Variants in NFIB observed in about 807,000 individuals in gnomAD.
The protein encoded by NFIB is nuclear factor 1 B-type.
A neutral mutation model predicts 61.5 loss-of-function variants in NFIB; 11 were observed. The ratio of observed to expected loss-of-function variants is 0.18; its 90% CI spans 0.11 to 0.30. The LOEUF (loss-of-function observed/expected upper bound fraction) is 0.30, where lower values mean the gene tolerates loss of function less well. Among genes scored for constraint, NFIB ranks in the 10% least tolerant of loss-of-function variants. The pLI, the probability that NFIB is intolerant of heterozygous loss-of-function variation, is 1.00. For synonymous variants in NFIB, 260 were observed against 216.5 expected, an observed-to-expected ratio of 1.20 and a Z score of -1.76; for missense variants, 471 against 608.9, an observed-to-expected ratio of 0.77 and a Z score of 2.38.
rs139333701 is a variant in NFIB, at chr9:14,366,725, G to T, written c.108+31799C>A. On this transcript the variant is annotated intron_variant, in intron 1 of 8. Coordinates refer to the NFIB transcript ENST00000380934. ...GGTCTCGAACTCCTGACCTCTTGAT[G>T]TGCCTGCCTCGGCCTCCCAAAGTGT... Among the ~76,000 whole-genome samples the T allele has an allele frequency of 1.7e-3, 256 of 152,088 alleles. 4 individuals carry two copies. The East Asian group carries it at 0.044, about 26-fold the overall frequency.
intron 3 of NFIB, among the ~76,000 whole-genome samples, chr9:14,168,509 T>C (rs547963409): frequency 4.1e-4 from 63 of 152,308 alleles, no homozygotes; most frequent in African/African-American, 1.4e-3. Flanking sequence ...GCTAAAGGCA[T>C]AGTCCATGTG....
chr9:14,127,084 T>C (rs1213089277), intron 6 of NFIB, among the ~76,000 whole-genome samples: 2 of 152,148 alleles, frequency 1.3e-5, no homozygotes, highest in Admixed American at 6.5e-5. Context: ...AAAAGATAGA[T>C]CATGAGAGCT....
At chr9:14,421,541 C>A in the NFIB span, among the ~76,000 whole-genome samples, 1 of 152,196 alleles carries the variant, frequency 6.6e-6, no homozygotes, top group Non-Finnish European at 1.5e-5. Context: ...ATCAGATTAA[C>A]TCTTCCATTG....
the NFIB span, among the ~76,000 whole-genome samples, chr9:14,503,959 T>C: frequency 1.3e-5 from 2 of 152,248 alleles, no homozygotes; most frequent in African/African-American, 4.8e-5. Context: ...TTTCAGGTCT[T>C]AGATTTAAGT....
At position 14,181,543 on chromosome 9, in the gene NFIB, G is replaced by C. The variant is rs188258654; in HGVS notation, c.563-1763C>G. 1.4e-3 allele frequency among the ~76,000 whole-genome samples: 210 copies of C among 152,184 alleles called. 3 individuals are homozygous for C. In the Middle Eastern group the frequency reaches 0.02, roughly 15 times the overall value. On this transcript the variant is annotated intron_variant, in intron 2 of 10. Coordinates refer to ENST00000380953, the MANE Select transcript of NFIB (RefSeq NM_001190737.2). ...CGTTCTACATTCCTTTAAAAAACTG[G>C]TACAATATGGGCCACTTTCCAGGCC...
chr9:14,399,634 T>C (rs1306053582), upstream of NFIB, among the ~76,000 whole-genome samples: 1 of 152,216 alleles, frequency 6.6e-6, no homozygotes, highest in African/African-American at 2.4e-5. Context: ...TTTACTTAGA[T>C]TTGATTTTAA....
intron 3 of NFIB, among the ~76,000 whole-genome samples, chr9:14,175,793 T>C (rs1038649191): frequency 6.6e-6 from 1 of 152,218 alleles, no homozygotes; most frequent in Non-Finnish European, 1.5e-5. Flanking sequence ...GTTTATATCA[T>C]AAAATTTGCA....
chr9:14,116,855 A>G (rs2038220709), intron 8 of NFIB, among the ~76,000 whole-genome samples: 1 of 152,202 alleles, frequency 6.6e-6, no homozygotes, highest in Non-Finnish European at 1.5e-5. Context: ...GAATTCTGGA[A>G]TTTTCATCAT....
intron 8 of NFIB, among the ~76,000 whole-genome samples, chr9:14,118,868 T>C (rs1053279666): frequency 2.0e-5 from 3 of 151,506 alleles, no homozygotes; most frequent in Non-Finnish European, 4.4e-5. Flanking sequence ...AGGCAGATTA[T>C]CACCTAATAT....
the NFIB span, among the ~76,000 whole-genome samples, chr9:14,448,600 G>A: frequency 2.7e-4 from 41 of 152,278 alleles, no homozygotes; most frequent in African/African-American, 9.6e-4. Context: ...ATTTGCAAAG[G>A]GAAAGCCAAA....
Position 14,313,775 on chromosome 9 carries a change from G to C in NFIB, c.-264C>G. ...CTTGCAGTCCGAGCGCGCTGGCCGT[G>C]CTTGCCGAGGCCGCCGCCGCCGCCG... On this transcript the variant is annotated 5_prime_UTR_variant, in exon 1 of 11. Coordinates refer to ENST00000380953, the MANE Select transcript of NFIB (RefSeq NM_001190737.2). The surrounding 1 kb of genome is among the most constrained non-coding windows in gnomAD (Gnocchi z 4.5). 7.4e-7 allele frequency: 1 copy of C among 1,342,862 alleles called. No individual in the cohort carries two copies. The highest frequency in any genetic ancestry group is 1.8e-5 in the South Asian group (1 of 56,784). 83.2% of individuals were successfully genotyped at this position (1,342,862 alleles called of 1,614,324 possible).
At chr9:14,162,446 T>C (rs2044311039) in intron 3 of NFIB, among the ~76,000 whole-genome samples, 1 of 152,112 alleles carries the variant, frequency 6.6e-6, no homozygotes, top group Non-Finnish European at 1.5e-5. Flanking sequence ...TCTTTGCTCA[T>C]CCATGGAAGA....
intron 2 of NFIB, among the ~76,000 whole-genome samples, chr9:14,304,666 G>C (rs916824695): frequency 2.0e-5 from 3 of 152,080 alleles, no homozygotes; most frequent in African/African-American, 4.8e-5. Flanking sequence ...TTTTTCTTTC[G>C]TGTTTTCCTT....
intron 1 of NFIB, among the ~76,000 whole-genome samples, chr9:14,340,518 T>C (rs1319278481): frequency 3.3e-5 from 5 of 152,094 alleles, no homozygotes; most frequent in Non-Finnish European, 5.9e-5. Context: ...TGCAGTGGGG[T>C]TGGGAGCCAA....
At chr9:14,176,525 A>G (rs1326457199) in intron 3 of NFIB, among the ~76,000 whole-genome samples, 11 of 152,208 alleles carry the variant, frequency 7.2e-5, no homozygotes, top group African/African-American at 2.4e-4. Flanking sequence ...CATAAAGGCT[A>G]CTTAAAAGCT....
At chr9:14,265,670 C>T (rs1475540139) in intron 2 of NFIB, among the ~76,000 whole-genome samples, 1 of 152,242 alleles carries the variant, frequency 6.6e-6, no homozygotes, top group African/African-American at 2.4e-5. Flanking sequence ...CCATATCCCT[C>T]TCTCTGAGAC....
In NFIB at chr9:14,207,507, T is replaced by G. The variant is rs548426175; in HGVS notation, c.563-27727A>C. Among the ~76,000 whole-genome samples the G allele has an allele frequency of 3.7e-4, 57 of 152,290 alleles. 1 individual carries two copies. In the South Asian group the frequency reaches 6.0e-3, roughly 16 times the overall value. On this transcript the variant is annotated intron_variant, in intron 2 of 10. Transcript: ENST00000380953. ...CTTTTGCCCATAGCATGCCACAAATTGAGGACTAAGTCAGTGCATGCTGCT... is the reference window on the plus strand; with the variant it reads ...CTTTTGCCCATAGCATGCCACAAATGGAGGACTAAGTCAGTGCATGCTGCT...
chr9:14,427,950 T>TGTTTTTTG, the NFIB span, among the ~76,000 whole-genome samples: 3 of 105,264 alleles, frequency 2.8e-5, no homozygotes, highest in African/African-American at 1.0e-4. Flanking sequence ...TTTTTTTTTT[T>TGTTTTTTG]TTTTTTTTTT....
the NFIB span, among the ~76,000 whole-genome samples, chr9:14,431,908 G>A: frequency 6.6e-6 from 1 of 152,226 alleles, no homozygotes; most frequent in East Asian, 1.9e-4. Flanking sequence ...TTTAAACAAG[G>A]CAGTAAATTT....
Sources: allele counts gnomAD v4.1 joint callset (sites outside exome capture counted in the v4.1 genomes callset), GRCh38; gene constraint gnomAD v4.1.1; non-coding constraint Gnocchi (gnomAD v3.1); transcripts MANE v1.5; gene names NCBI Gene and HGNC (gene_info 2026-07-23, HGNC 2026-07-21).